The following CFAP61 variants were observed in gnomAD, a reference collection of about 807,000 sequenced individuals.
CFAP61 encodes the protein cilia- and flagella-associated protein 61.
In CFAP61, 107 loss-of-function variants were observed where a neutral mutation model predicts 135.6. That is an observed-to-expected ratio of 0.79 (90% CI 0.67 to 0.93). CFAP61 has a LOEUF of 0.93. Among genes scored for constraint, CFAP61 ranks in the 40% least tolerant of loss-of-function variants. The pLI is 0.00. For missense variants in CFAP61, 1,507 were observed against 1,556.2 expected (o/e 0.97, Z 0.53); for synonymous variants, 575 against 578.5 (o/e 0.99, Z 0.09).
intron 25 of CFAP61, among the ~76,000 whole-genome samples, chr20:20,300,098 T>G (rs1445638091): frequency 6.6e-6 from 1 of 152,196 alleles, no homozygotes; most frequent in East Asian, 1.9e-4. Flanking sequence ...GCACAACACA[T>G]GACTCACGTG....
chr20:20,206,969 A>C (rs2056883359), intron 17 of CFAP61, among the ~76,000 whole-genome samples: 1 of 152,256 alleles, frequency 6.6e-6, no homozygotes, highest in African/African-American at 2.4e-5. Context: ...ATTGAAGGGC[A>C]ATGTCTCAAC....
In CFAP61 at chr20:20,288,255, G is replaced by A. The variant is rs117195488; in HGVS notation, c.2797-354G>A. Among the ~76,000 whole-genome samples the A allele has an allele frequency of 2.6e-3, 395 of 152,300 alleles. 2 individuals are homozygous for A. The highest frequency in any genetic ancestry group is 4.7e-3 in the Non-Finnish European group (318 of 68,028). Reference sequence around the variant, plus strand: ...GGAAGGGGAAGAGGATGGAGGCTGCGCTAGAGCTGTTCAAAATGTAGGAGC... The same window carrying A: ...GGAAGGGGAAGAGGATGGAGGCTGCACTAGAGCTGTTCAAAATGTAGGAGC... On this transcript the variant is annotated intron_variant, in intron 22 of 26. Coordinates refer to ENST00000245957, the MANE Select transcript of CFAP61 (RefSeq NM_015585.4).
At position 20,098,803 on chromosome 20, in the gene CFAP61, G is replaced by A. The variant is rs140848360; in HGVS notation, c.848G>A (p.Arg283Gln). ...VLESPQDLSVRRSQDAELRSS... is the reference protein window; with the variant it reads ...VLESPQDLSVQRSQDAELRSS... ...GAATCACCACAAGACCTAAGTGTCCGAAGAAGTCAAGGTACAGTGGCTATC... is the reference window on the plus strand; with the variant it reads ...GAATCACCACAAGACCTAAGTGTCCAAAGAAGTCAAGGTACAGTGGCTATC... The change falls in exon 8 of 27, where the codon CGA becomes CAA. Residue 283 changes from arginine (R) to glutamine (Q), a missense_variant. Physicochemically the swap from Arg to Gln is conservative, Grantham distance 43. Coordinates refer to ENST00000245957, the MANE Select transcript of CFAP61 (RefSeq NM_015585.4). The A allele has an allele frequency of 1.2e-5, 20 of 1,611,888 alleles. No individual in the cohort carries two copies. Among genetic ancestry groups the A allele is most frequent in the East Asian group, 2.2e-5 (1 of 44,854 alleles).
intron 1 of CFAP61, among the ~76,000 whole-genome samples, chr20:20,055,392 C>A (rs2044230916): frequency 6.6e-6 from 1 of 152,180 alleles, no homozygotes; most frequent in Admixed American, 6.5e-5. Context: ...AAGCTTGTCA[C>A]TTTCTTGGGC....
chr20:20,178,660 T>A (rs1422164401), intron 13 of CFAP61, among the ~76,000 whole-genome samples: 1 of 117,776 alleles, frequency 8.5e-6, no homozygotes, highest in Non-Finnish European at 1.8e-5. Context: ...ATTTAGCTAG[T>A]TGTCCTTTAA....
rs374995811 is a variant in CFAP61, at chr20:20,201,058, CT to C, written c.1932+1163del. 9.7e-4 allele frequency: 692 copies of C among 711,900 alleles called. 4 individuals are homozygous for C. The African/African-American group carries it at 0.012, about 12-fold the overall frequency. The allele number at this position is 711,900 out of a possible 1,614,324, so 44.1% of individuals were successfully genotyped here. A position where few individuals can be genotyped will look rare whatever the true frequency, so the allele number is the denominator to read the frequency against. ...AGCAGGACTTCTCAATCTATCTGTC[CT>C]TTTTTTAATTAATGTGCAATTAGTC... On this transcript the variant is annotated intron_variant, in intron 17 of 26. Coordinates refer to ENST00000245957, the MANE Select transcript of CFAP61 (RefSeq NM_015585.4).
chr20:20,325,331 A>G (rs764213839), intron 25 of CFAP61, among the ~76,000 whole-genome samples: 11 of 152,232 alleles, frequency 7.2e-5, no homozygotes, highest in Non-Finnish European at 1.3e-4. Context: ...CCCACCTTAC[A>G]GTGTGAAACA....
chr20:20,176,237 A>G (rs866642207), intron 13 of CFAP61, among the ~76,000 whole-genome samples: 5 of 152,180 alleles, frequency 3.3e-5, no homozygotes, highest in Admixed American at 6.5e-5. Flanking sequence ...AAATAGGAAC[A>G]ATTTTACACT....
Position 20,075,622 on chromosome 20 carries a change from T to G in CFAP61, c.566+7T>G. The G allele has an allele frequency of 6.2e-7, 1 of 1,613,850 alleles. No homozygotes were observed. The highest frequency in any genetic ancestry group is 8.5e-7 in the Non-Finnish European group (1 of 1,179,794). On this transcript the variant is annotated splice_region_variant and intron_variant, in intron 6 of 26. Transcript: ENST00000245957. ...TGCACGTTCGCAAAGCCAGGTACAG[T>G]TGGAGTCATGCCTTGTGTGACCTAA...
chr20:20,096,857 A>G (rs2047614532), intron 7 of CFAP61, among the ~76,000 whole-genome samples: 1 of 152,360 alleles, frequency 6.6e-6, no homozygotes, highest in East Asian at 1.9e-4. Flanking sequence ...GACTTTTATT[A>G]AAGTGTCAAT....
chr20:20,355,473 A>G (rs1433099966), intron 26 of CFAP61, among the ~76,000 whole-genome samples: 2 of 30,568 alleles, frequency 6.5e-5, no homozygotes, highest in Admixed American at 5.3e-4. Context: ...CACTGAGGGG[A>G]GGTGGTCACA....
At chr20:20,057,981 G>T (rs575696035) in intron 2 of CFAP61, among the ~76,000 whole-genome samples, 1 of 152,234 alleles carries the variant, frequency 6.6e-6, no homozygotes, top group South Asian at 2.1e-4. Context: ...GCCTGCCTTG[G>T]CCTCCCAAAG....
At chr20:20,333,390 G>A (rs1255122055) in intron 25 of CFAP61, among the ~76,000 whole-genome samples, 4 of 152,182 alleles carry the variant, frequency 2.6e-5, no homozygotes, top group African/African-American at 9.7e-5. Flanking sequence ...GATTACATAA[G>A]CTGACAAGTG....
chr20:20,296,566 C>T (rs908342294), intron 24 of CFAP61, among the ~76,000 whole-genome samples: 1 of 151,746 alleles, frequency 6.6e-6, no homozygotes, highest in Non-Finnish European at 1.5e-5. Context: ...TAGTTCCTTG[C>T]CATGCCACAG....
At chr20:20,344,170 A>G (rs1250189883) in intron 26 of CFAP61, among the ~76,000 whole-genome samples, 2 of 152,218 alleles carry the variant, frequency 1.3e-5, no homozygotes, top group East Asian at 1.9e-4. Context: ...GGACTATGCA[A>G]TGTGGCCTCT....
rs1279904966 is a variant in CFAP61 at position 20,256,425 on chromosome 20, C to CAT, written c.2328+4663_2328+4664insTA. ...CCACACACACACACACACACACACA[C>CAT]ACACACACATTGTAGGCAACTATTT... is the stretch of plus-strand genomic sequence containing the variant. On this transcript the variant is annotated intron_variant, in intron 20 of 26. Transcript: ENST00000245957. Among the ~76,000 whole-genome samples, 5 of 138,150 alleles carry CAT rather than the reference C, an allele frequency of 3.6e-5. No homozygotes were observed. In the South Asian group the frequency reaches 9.6e-4, roughly 27 times the overall value. 90.6% of individuals were successfully genotyped at this position (138,150 alleles called of 152,430 possible).
At chr20:20,269,214 C>T (rs982857932) in intron 21 of CFAP61, among the ~76,000 whole-genome samples, 5 of 137,834 alleles carry the variant, frequency 3.6e-5, no homozygotes, top group African/African-American at 5.3e-5. Context: ...TATATATACA[C>T]ATATATACAT....
At chr20:20,159,902 G>A (rs2053251821) in intron 10 of CFAP61, among the ~76,000 whole-genome samples, 1 of 152,154 alleles carries the variant, frequency 6.6e-6, no homozygotes, top group Non-Finnish European at 1.5e-5. Context: ...TACAAATTCA[G>A]GCCAAGGGGC....
chr20:20,315,619 A>G (rs2057084032), intron 25 of CFAP61, among the ~76,000 whole-genome samples: 1 of 151,720 alleles, frequency 6.6e-6, no homozygotes, highest in Admixed American at 6.6e-5. Flanking sequence ...GCCCATGCCT[A>G]TGTCCTGAAT....
Sources: gnomAD v4.1 joint callset for allele counts (sites outside exome capture counted in the v4.1 genomes callset) on GRCh38, gnomAD v4.1.1 for gene constraint, MANE v1.5 for transcripts, NCBI Gene and HGNC (gene_info 2026-07-23, HGNC 2026-07-21) for gene names.